KRT23: variants seen among roughly 807,000 people sequenced by gnomAD.
KRT23 encodes the protein keratin, type I cytoskeletal 23.
In KRT23, 38 loss-of-function variants were observed where a neutral mutation model predicts 47.6. The ratio of observed to expected loss-of-function variants is 0.80; its 90% confidence interval spans 0.62 to 1.05. The LOEUF (loss-of-function observed/expected upper bound fraction) is 1.05, where lower values mean the gene tolerates loss of function less well. Ranked by LOEUF, KRT23 falls within the 50% of genes least tolerant of loss-of-function variation. KRT23 has a pLI of 0.00. For synonymous variants in KRT23, 191 were observed against 199.0 expected (o/e 0.96, Z 0.34); for missense variants, 503 against 529.5 (o/e 0.95, Z 0.49).
At position 40,929,920 on chromosome 17, in the gene KRT23, G is replaced by A; in HGVS notation, c.636+20C>T. 1 of 1,611,806 alleles carries A rather than the reference G, an allele frequency of 6.2e-7. No homozygotes were observed. The highest frequency in any genetic ancestry group is 8.5e-7 in the Non-Finnish European group (1 of 1,178,932). On this transcript the variant is annotated intron_variant, in intron 4 of 8. Transcript: ENST00000209718. Reference sequence around the variant, plus strand: ...GGCTAAGAGCTGTGCTTATTAGCAGGTGTTCCTGGGGAGTTGTACCTGCTC... The same window carrying A: ...GGCTAAGAGCTGTGCTTATTAGCAGATGTTCCTGGGGAGTTGTACCTGCTC...
chr17:40,936,364 G>A lies in KRT23; in HGVS notation c.240C>T (p.Asn80=). The change falls in exon 2 of 9, where the codon AAC becomes AAT. Residue 80 remains asparagine, a synonymous_variant. Transcript: ENST00000209718. ...TCTCCAGGTAGGAGGCCAGGCGGTC[G>A]TTGAGATTCTGCATGGTGGCCTTCC... ...GNGKATMQNL[N]DRLASYLEKV... is the part of the protein sequence containing the mutation. 6.2e-7 allele frequency: 1 copy of A among 1,614,208 alleles called. No homozygotes were observed. Among genetic ancestry groups the A allele is most frequent in the Non-Finnish European group, 8.5e-7 (1 of 1,180,022 alleles).
Position 40,928,365 on chromosome 17 carries a change from G to C in KRT23, c.799-5C>G. 1.9e-6 allele frequency: 3 copies of C among 1,614,180 alleles called. No individual in the cohort carries two copies. The highest frequency in any genetic ancestry group is 1.7e-6 in the Non-Finnish European group (2 of 1,180,030). On this transcript the variant is annotated splice_polypyrimidine_tract_variant and splice_region_variant and intron_variant, in intron 5 of 8. Transcript: ENST00000209718. Reference sequence around the variant, plus strand: ...CTCCTGGGACATGGCTGCAGACTGTGGGACCAAGCAAGGCAAAGGCGTCAG... The same window carrying C: ...CTCCTGGGACATGGCTGCAGACTGTCGGACCAAGCAAGGCAAAGGCGTCAG...
Position 40,936,199 on chromosome 17 carries a change from G to T in KRT23, c.396+9C>A. The stretch of plus-strand genomic sequence containing the variant: ...CCATCTGGATCTCCAGGGTCACCCA[G>T]CATCTTACCTGCTCCTGCAGGTGTG... On this transcript the variant is annotated intron_variant, in intron 2 of 8. Coordinates refer to ENST00000209718, the MANE Select transcript of KRT23 (RefSeq NM_015515.5). 6.2e-7 allele frequency: 1 copy of T among 1,613,920 alleles called. No homozygotes were observed. Among genetic ancestry groups the T allele is most frequent in the Non-Finnish European group, 8.5e-7 (1 of 1,179,974 alleles).
rs1451042867 is a variant in KRT23 at position 40,936,466 on chromosome 17, G to A, written c.138C>T (p.Ser46=). 2 of 1,590,220 alleles carry A rather than the reference G, an allele frequency of 1.3e-6. No homozygotes were observed. The highest frequency in any genetic ancestry group is 1.7e-6 in the Non-Finnish European group (2 of 1,166,852). The change falls in exon 2 of 9, where the codon TCC becomes TCT. Residue 46 remains serine (S), a synonymous_variant. Coordinates refer to ENST00000209718, the MANE Select transcript of KRT23 (RefSeq NM_015515.5). Reference sequence around the variant, plus strand: ...GGGGTGGGCAGCTCCGCGTGGTGAAGGACAGGGAGATGCGGGCTCCCCCCG... The same window carrying A: ...GGGGTGGGCAGCTCCGCGTGGTGAAAGACAGGGAGATGCGGGCTCCCCCCG... ...GGAGGARISL[S]FTTRSCPPPG... is the part of the protein sequence containing the mutation.
intron 2 of KRT23, among the ~76,000 whole-genome samples, chr17:40,932,129 T>C (rs1909739439): frequency 6.6e-6 from 1 of 152,208 alleles, no homozygotes; most frequent in Non-Finnish European, 1.5e-5. Context: ...TTTATGTCAT[T>C]GCAACTTATT....
In KRT23 at chr17:40,936,612, CTG is replaced by C; in HGVS notation, c.-11_-10del. The stretch of plus-strand genomic sequence containing the variant: ...CTGTGTCCGGAGTTCATGGTCCCAT[CTG>C]TGTTTGGGACGGGGCTGAGCTCTGC... On this transcript the variant is annotated 5_prime_UTR_variant, in exon 2 of 9. Coordinates refer to ENST00000209718, the MANE Select transcript of KRT23 (RefSeq NM_015515.5). 6.6e-7 allele frequency: 1 copy of C among 1,511,834 alleles called. No individual in the cohort carries two copies. Among genetic ancestry groups the C allele is most frequent in the Non-Finnish European group, 8.8e-7 (1 of 1,132,618 alleles). 93.7% of individuals were successfully genotyped at this position (1,511,834 alleles called of 1,614,324 possible). A position where few individuals can be genotyped will look rare whatever the true frequency, so the allele number is the denominator to read the frequency against.
intron 4 of KRT23, chr17:40,929,589 A>G (rs1273973334): frequency 4.9e-6 from 1 of 204,182 alleles, no homozygotes; most frequent in East Asian, 1.2e-4. Flanking sequence ...TCTCTTCATT[A>G]TATTGTCCCC....
At position 40,922,896 on chromosome 17, in the gene KRT23, A is replaced by G. The variant is rs937995878; in HGVS notation, c.*93T>C. On this transcript the variant is annotated 3_prime_UTR_variant, in exon 9 of 9. Coordinates refer to ENST00000209718, the MANE Select transcript of KRT23 (RefSeq NM_015515.5). The stretch of plus-strand genomic sequence containing the variant: ...AAAGTTTCTGAGTCTGATAATTCCA[A>G]GGGTATCTTTTAGAACTCACTCACT... 15 of 846,664 alleles carry G rather than the reference A, an allele frequency of 1.8e-5. No individual in the cohort carries two copies. In the Admixed American group the frequency reaches 2.4e-4, roughly 13 times the overall value. The allele number at this position is 846,664 out of a possible 1,614,324, so 52.4% of individuals were successfully genotyped here.
At chr17:40,930,462 A>G (rs1909580622) in intron 3 of KRT23, among the ~76,000 whole-genome samples, 1 of 152,204 alleles carries the variant, frequency 6.6e-6, no homozygotes. Flanking sequence ...TCTTTTAAGA[A>G]AAATATATTT....
At chr17:40,932,362 G>A (rs757050814) in intron 2 of KRT23, among the ~76,000 whole-genome samples, 1 of 152,200 alleles carries the variant, frequency 6.6e-6, no homozygotes, top group Non-Finnish European at 1.5e-5. Flanking sequence ...AACACTTGTA[G>A]GTATGTTATA....
chr17:40,937,011 T>G (rs1910131967), intron 1 of KRT23, 58 bp from the exon 2 acceptor site: 1 of 176,492 alleles, frequency 5.7e-6, no homozygotes, highest in Non-Finnish European at 1.2e-5. Context: ...GTAGTATAGA[T>G]TTCCTTAAAA....
At chr17:40,933,233 C>T (rs527756791) in intron 2 of KRT23, among the ~76,000 whole-genome samples, 4 of 152,192 alleles carry the variant, frequency 2.6e-5, no homozygotes, top group Non-Finnish European at 5.9e-5. Flanking sequence ...AGGCTGGCTG[C>T]TCCTGCCTCA....
chr17:40,928,520 C>T lies in KRT23; in HGVS notation c.724G>A (p.Glu242Lys). The change falls in exon 5 of 9, where the codon GAG (glutamate) becomes AAG (lysine). Residue 242 changes from glutamate to lysine, a missense_variant. By Grantham distance (56) the Glu-to-Lys change is moderately conservative. Coordinates refer to ENST00000209718, the MANE Select transcript of KRT23 (RefSeq NM_015515.5). ...GPREDLIKVL[E>K]DMRQEYELII... is the part of the protein sequence containing the mutation. ...AGCTCATATTCTTGTCTCATATCCT[C>T]CAGGACCTTAATCAGATCTTCCCTG... The T allele has an allele frequency of 3.1e-6, 5 of 1,614,090 alleles. No individual in the cohort carries two copies. Among genetic ancestry groups the T allele is most frequent in the Non-Finnish European group, 4.2e-6 (5 of 1,180,000 alleles).
intron 6 of KRT23, among the ~76,000 whole-genome samples, chr17:40,926,457 G>C (rs957316890): frequency 2.6e-5 from 4 of 152,028 alleles, no homozygotes; most frequent in African/African-American, 9.7e-5. Flanking sequence ...CCATGGCCTC[G>C]CTTCCTAATT....
In KRT23 at chr17:40,936,566, G is replaced by C. The variant is rs780752600; in HGVS notation, c.38C>G (p.Ala13Gly). The stretch of plus-strand genomic sequence containing the variant: ...GCCACCTCCGGCGCCATGGAAGGAG[G>C]CCGAGGGGGTCTGGCTGAAGCTGTG... ...SGHSFSQTPS[A>G]SFHGAGGGWG... Residue 13 changes from alanine to glycine, a missense_variant, in exon 2 of 9, where the codon GCC becomes GGC. Physicochemically the swap from Ala to Gly is moderately conservative, Grantham distance 60. Transcript: ENST00000209718. The C allele has an allele frequency of 1.3e-6, 2 of 1,519,836 alleles. No homozygotes were observed. The highest frequency in any genetic ancestry group is 1.8e-6 in the Non-Finnish European group (2 of 1,137,048). 94.1% of individuals were successfully genotyped at this position (1,519,836 alleles called of 1,614,324 possible).
rs988210534 is a variant in KRT23 at position 40,922,720 on chromosome 17, G to A, written c.*269C>T. ...ATGCAGCTAGTGCGGAGTTTTATTG[G>A]CTACAAAATAGATGCAAAATGATGA... On this transcript the variant is annotated 3_prime_UTR_variant, in exon 9 of 9. Transcript: ENST00000209718. 4 of 313,432 alleles carry A rather than the reference G, an allele frequency of 1.3e-5. No individual in the cohort carries two copies. Among genetic ancestry groups the A allele is most frequent in the Middle Eastern group, 1.0e-3 (1 of 982 alleles). The allele number at this position is 313,432 out of a possible 1,614,324, so 19.4% of individuals were successfully genotyped here.
In KRT23 at chr17:40,930,013, A is replaced by T. The variant is rs1233718017; in HGVS notation, c.563T>A (p.Val188Asp). 1.9e-6 allele frequency: 3 copies of T among 1,614,116 alleles called. No individual in the cohort carries two copies. The highest frequency in any genetic ancestry group is 2.5e-6 in the Non-Finnish European group (3 of 1,180,002). ...CACCTCCTGTTCTAGGTCTGTTGTGACAATGGTCAGGTTGTCTAAGGTCCT... is the reference window on the plus strand; with the variant it reads ...CACCTCCTGTTCTAGGTCTGTTGTGTCAATGGTCAGGTTGTCTAAGGTCCT... ...LRRTLDNLTI[V>D]TTDLEQEVEG... The change falls in exon 4 of 9, where the codon GTC (valine) becomes GAC (aspartate). Residue 188 changes from valine to aspartate, a missense_variant. Coordinates refer to ENST00000209718, the MANE Select transcript of KRT23 (RefSeq NM_015515.5).
Position 40,937,634 on chromosome 17 carries a change from C to T in KRT23, c.-639G>A, listed in dbSNP as rs1314135830. 1 of 152,248 alleles carries T rather than the reference C, an allele frequency of 6.6e-6. No homozygotes were observed. The highest frequency in any genetic ancestry group is 6.5e-5 in the Admixed American group (1 of 15,276). 9.4% of individuals were successfully genotyped at this position (152,248 alleles called of 1,614,324 possible). A position where few individuals can be genotyped will look rare whatever the true frequency, so the allele number is the denominator to read the frequency against. ...AGAAGCAGTCTGGGGGCGGGAGCCA[C>T]GTGCTAGTTACTGGCAGTTGGATTT... On this transcript the variant is annotated 5_prime_UTR_variant, in exon 1 of 9. The change creates a new upstream start codon in the 5' untranslated region. Coordinates refer to ENST00000209718, the MANE Select transcript of KRT23 (RefSeq NM_015515.5).
intron 3 of KRT23, among the ~76,000 whole-genome samples, chr17:40,930,919 T>G (rs77977782): frequency 0.014 from 2,143 of 152,212 alleles, 45 homozygotes; most frequent in East Asian, 0.076. Context: ...TTGTTTAAAC[T>G]AAGGTTCATT....
Sources: gnomAD v4.1 joint callset for allele counts (sites outside exome capture counted in the v4.1 genomes callset) on GRCh38, gnomAD v4.1.1 for gene constraint, MANE v1.5 for transcripts, NCBI Gene and HGNC (gene_info 2026-07-23, HGNC 2026-07-21) for gene names.